The following APPL1 variants were observed in gnomAD, a reference collection of about 807,000 sequenced individuals.
APPL1 encodes adaptor protein, phosphotyrosine interacting with PH domain and leucine zipper 1.
A neutral mutation model predicts 106.8 loss-of-function variants in APPL1; 42 were observed. The observed-to-expected ratio is 0.39, with a 90% CI of 0.31 to 0.51. The LOEUF is 0.51. Among genes scored for constraint, APPL1 ranks in the 20% least tolerant of loss-of-function variants. The probability of loss-of-function intolerance (pLI) is 0.75; values close to 1 mark genes in which losing one functional copy is unlikely to be tolerated. For synonymous variants in APPL1, 263 were observed against 281.8 expected (o/e 0.93, Z 0.67); for missense variants, 769 against 858.2 (o/e 0.90, Z 1.30).
chr3:57,264,174 T>C (rs1559514576), intron 19 of APPL1, among the ~76,000 whole-genome samples: 1 of 152,220 alleles, frequency 6.6e-6, no homozygotes, highest in Non-Finnish European at 1.5e-5. Flanking sequence ...TTGCCATTTG[T>C]ATGTCTTCTT....
At position 57,227,816 on chromosome 3, in the gene APPL1, C is replaced by A. The variant is rs1309933791; in HGVS notation, c.-68C>A. ...GAGGGCGGGCCGGGGTCAGCTGCGG[C>A]GGGCGGGCCGGCGCGGGGAGCTGTG... On this transcript the variant is annotated 5_prime_UTR_variant, in exon 1 of 22. Transcript: ENST00000288266. 1 of 1,335,304 alleles carries A rather than the reference C, an allele frequency of 7.5e-7. No individual in the cohort carries two copies. The highest frequency in any genetic ancestry group is 2.5e-5 in the Admixed American group (1 of 40,334). The allele number at this position is 1,335,304 out of a possible 1,614,324, so 82.7% of individuals were successfully genotyped here.
rs1173233195 is a variant in APPL1 at position 57,260,641 on chromosome 3, G to A, written c.1709G>A (p.Cys570Tyr). 3 of 1,609,036 alleles carry A rather than the reference G, an allele frequency of 1.9e-6. No homozygotes were observed. Among genetic ancestry groups the A allele is most frequent in the Admixed American group, 3.3e-5 (2 of 59,848 alleles). ...TTTCTGTGGCAGTTTCCATTACCTT[G>A]TGTAGTTTTGTATGCTACACACCAG... ...QVTRLTFPLP[C>Y]VVLYATHQEN... Residue 570 changes from cysteine (C) to tyrosine (Y), a missense_variant, in exon 19 of 22, where the codon TGT (cysteine) becomes TAT (tyrosine). By Grantham distance (194) the Cys-to-Tyr change is radical. Coordinates refer to ENST00000288266, the MANE Select transcript of APPL1 (RefSeq NM_012096.3).
At chr3:57,233,277 A>T (rs1412595368) in intron 1 of APPL1, among the ~76,000 whole-genome samples, 1 of 152,158 alleles carries the variant, frequency 6.6e-6, no homozygotes, top group African/African-American at 2.4e-5. Flanking sequence ...ACCATCGTAG[A>T]TTTGATGAAA....
At chr3:57,264,565 A>G (rs1369868471) in intron 19 of APPL1, among the ~76,000 whole-genome samples, 1 of 145,890 alleles carries the variant, frequency 6.9e-6, no homozygotes, top group Non-Finnish European at 1.5e-5. Flanking sequence ...AAAAAATTTA[A>G]AAAAAAATAA....
chr3:57,230,023 T>TA (rs771406009), intron 1 of APPL1, among the ~76,000 whole-genome samples: 2 of 152,190 alleles, frequency 1.3e-5, no homozygotes, highest in Non-Finnish European at 2.9e-5. Context: ...CTGTGCCAGC[T>TA]AATTTTTAAT....
At position 57,237,735 on chromosome 3, in the gene APPL1, T is replaced by G. The variant is rs569914536; in HGVS notation, c.213+184T>G. Among the ~76,000 whole-genome samples the G allele has an allele frequency of 2.6e-4, 39 of 152,324 alleles. 1 individual carries two copies. Among genetic ancestry groups the G allele is most frequent in the Non-Finnish European group, 1.0e-4 (7 of 68,010 alleles). On this transcript the variant is annotated intron_variant, in intron 3 of 21. Coordinates refer to ENST00000288266, the MANE Select transcript of APPL1 (RefSeq NM_012096.3). Reference sequence around the variant, plus strand: ...TAAATACAGAGGCTATCTAGTTTACTTGTTTTCTTTTTACAAATGAAGAAG... The same window carrying G: ...TAAATACAGAGGCTATCTAGTTTACGTGTTTTCTTTTTACAAATGAAGAAG...
intron 1 of APPL1, among the ~76,000 whole-genome samples, chr3:57,231,166 C>T (rs1163386543): frequency 2.6e-5 from 4 of 151,228 alleles, no homozygotes; most frequent in South Asian, 2.1e-4. Context: ...AGTGAAACCC[C>T]GTCTCTCCTA....
At chr3:57,266,302 C>T (rs1359984465) in intron 19 of APPL1, among the ~76,000 whole-genome samples, 1 of 152,082 alleles carries the variant, frequency 6.6e-6, no homozygotes, top group Admixed American at 6.6e-5. Flanking sequence ...TGGTAGAATT[C>T]AGCAGGAAAG....
chr3:57,255,939 T>C (rs772258323), intron 13 of APPL1, among the ~76,000 whole-genome samples: 1 of 152,234 alleles, frequency 6.6e-6, no homozygotes, highest in Non-Finnish European at 1.5e-5. Flanking sequence ...TTATCCAGAA[T>C]TATTTTATCT....
Position 57,228,089 on chromosome 3 carries a change from T to G in APPL1, c.54+152T>G. On this transcript the variant is annotated intron_variant, in intron 1 of 21. Transcript: ENST00000288266. This position sits in a 1 kb window ranked among gnomAD's most constrained non-coding sequence, Gnocchi z 4.6. The stretch of plus-strand genomic sequence containing the variant: ...GCCCGTCGCAGGCCGCGCCCGGAGT[T>G]GTGGAGGCTGGGCCCGCCGCCCAAG... 1.6e-6 allele frequency: 1 copy of G among 624,526 alleles called. No homozygotes were observed. Among genetic ancestry groups the G allele is most frequent in the East Asian group, 4.1e-5 (1 of 24,154 alleles). The allele number at this position is 624,526 out of a possible 1,614,324, so 38.7% of individuals were successfully genotyped here. A position where few individuals can be genotyped will look rare whatever the true frequency, so the allele number is the denominator to read the frequency against.
At chr3:57,259,417 T>C (rs1236868261) in intron 16 of APPL1, among the ~76,000 whole-genome samples, 1 of 152,204 alleles carries the variant, frequency 6.6e-6, no homozygotes, top group East Asian at 1.9e-4. Flanking sequence ...ATTTGAATTC[T>C]AAACTTACAG....
chr3:57,234,127 A>C (rs1040281555), intron 1 of APPL1, among the ~76,000 whole-genome samples: 9 of 152,096 alleles, frequency 5.9e-5, no homozygotes, highest in Admixed American at 5.2e-4. Context: ...CTGAGGCATA[A>C]ATTATTTTTA....
intron 19 of APPL1, among the ~76,000 whole-genome samples, chr3:57,263,557 A>G (rs1278427368): frequency 6.6e-6 from 1 of 152,132 alleles, no homozygotes; most frequent in Non-Finnish European, 1.5e-5. Context: ...AATGACCTCC[A>G]TGTTCCATAT....
intron 1 of APPL1, among the ~76,000 whole-genome samples, chr3:57,231,298 C>T (rs1486972444): frequency 2.2e-5 from 3 of 139,426 alleles, no homozygotes; most frequent in East Asian, 2.3e-4. Context: ...GAAATTGTAC[C>T]GTTGCACTCC....
chr3:57,229,282 A>G (rs1209482975), intron 1 of APPL1, among the ~76,000 whole-genome samples: 1 of 151,682 alleles, frequency 6.6e-6, no homozygotes, highest in African/African-American at 2.4e-5. Flanking sequence ...ACTTTTTATT[A>G]TGTAAGATTC....
At chr3:57,237,874 A>G (rs2060724543) in intron 3 of APPL1, among the ~76,000 whole-genome samples, 171 bp from the exon 4 acceptor site, 1 of 152,202 alleles carries the variant, frequency 6.6e-6, no homozygotes, top group African/African-American at 2.4e-5. Context: ...CTTACTTAAT[A>G]AACAATTAAT....
At chr3:57,241,740 T>C (rs532034712) in intron 5 of APPL1, among the ~76,000 whole-genome samples, 10 of 152,202 alleles carry the variant, frequency 6.6e-5, no homozygotes, top group Non-Finnish European at 1.5e-4. Flanking sequence ...CATAATCTTA[T>C]TAATGAGATG....
Position 57,269,914 on chromosome 3 carries a change from C to T in APPL1, c.*227C>T. Reference sequence around the variant, plus strand: ...CTATGTATTAACATCTAAAGGAAACCTGCTCATCTCCCTGAAGCAGACTGC... The same window carrying T: ...CTATGTATTAACATCTAAAGGAAACTTGCTCATCTCCCTGAAGCAGACTGC... On this transcript the variant is annotated 3_prime_UTR_variant, in exon 22 of 22. Coordinates refer to ENST00000288266, the MANE Select transcript of APPL1 (RefSeq NM_012096.3). The T allele has an allele frequency of 2.7e-6, 1 of 363,716 alleles. No individual in the cohort carries two copies. The highest frequency in any genetic ancestry group is 4.8e-6 in the Non-Finnish European group (1 of 206,394). The allele number at this position is 363,716 out of a possible 1,614,324, so 22.5% of individuals were successfully genotyped here. A position where few individuals can be genotyped will look rare whatever the true frequency, so the allele number is the denominator to read the frequency against.
rs569349636 is a variant in APPL1 at position 57,228,191 on chromosome 3, C to G, written c.54+254C>G. Among the ~76,000 whole-genome samples, 7 of 152,186 alleles carry G rather than the reference C, an allele frequency of 4.6e-5. No homozygotes were observed. The South Asian group carries it at 1.2e-3, about 27-fold the overall frequency. On this transcript the variant is annotated intron_variant, in intron 1 of 21. Transcript: ENST00000288266. This position sits in a 1 kb window ranked among gnomAD's most constrained non-coding sequence, Gnocchi z 4.6. ...CGCTGGTGCTCGTGGGCCGGGCGGT[C>G]ACGTACGCGCGCGGGTCCTTTTTAT...
Sources: gnomAD v4.1 joint callset for allele counts (sites outside exome capture counted in the v4.1 genomes callset) on GRCh38, gnomAD v4.1.1 for gene constraint, Gnocchi (gnomAD v3.1) non-coding constraint, MANE v1.5 for transcripts, NCBI Gene and HGNC (gene_info 2026-07-23, HGNC 2026-07-21) for gene names.